The following CTNNA3 variants were observed in gnomAD, a reference collection of about 807,000 sequenced individuals.
The protein encoded by CTNNA3 is catenin alpha-3.
A neutral mutation model predicts 95.7 loss-of-function variants in CTNNA3; 76 were observed. That is an observed-to-expected ratio of 0.79 (90% confidence interval 0.66 to 0.96). CTNNA3 has a LOEUF of 0.96. Ranked by LOEUF, CTNNA3 falls within the 40% of genes least tolerant of loss-of-function variation. The pLI is 0.00. For synonymous variants in CTNNA3, 431 were observed against 374.4 expected (o/e 1.15, Z -1.74); for missense variants, 1,191 against 1,089.8 (o/e 1.09, Z -1.31).
At chr10:67,724,939 C>A (rs187567989) in intron 1 of CTNNA3, among the ~76,000 whole-genome samples, 52 of 152,126 alleles carry the variant, frequency 3.4e-4, no homozygotes, top group Non-Finnish European at 6.6e-4. Flanking sequence ...TATACCAAAA[C>A]CTTAAACCTT....
At chr10:66,090,956 T>C (rs954099943) in intron 14 of CTNNA3, among the ~76,000 whole-genome samples, 3 of 151,990 alleles carry the variant, frequency 2.0e-5, no homozygotes, top group African/African-American at 7.2e-5. Context: ...ACAAAGGTAA[T>C]TTTTAGAATA....
intron 1 of CTNNA3, among the ~76,000 whole-genome samples, chr10:67,705,232 G>C (rs1841070740): frequency 6.6e-6 from 1 of 152,050 alleles, no homozygotes; most frequent in South Asian, 2.1e-4. Context: ...ATTCCTCAGG[G>C]ATCTAGAACT....
intron 7 of CTNNA3, among the ~76,000 whole-genome samples, chr10:66,790,734 T>C (rs1046611114): frequency 3.3e-5 from 5 of 152,110 alleles, no homozygotes; most frequent in Admixed American, 6.6e-5. Flanking sequence ...GGATACAGTA[T>C]TGGTCATTCC....
chr10:66,545,865 G>T (rs1400429343), intron 10 of CTNNA3, among the ~76,000 whole-genome samples: 2 of 151,524 alleles, frequency 1.3e-5, no homozygotes, highest in Non-Finnish European at 2.9e-5. Flanking sequence ...CAAGTGGTTA[G>T]CTTCTGTCTT....
chr10:66,961,695 C>T (rs1314173824), intron 7 of CTNNA3, among the ~76,000 whole-genome samples: 1 of 152,098 alleles, frequency 6.6e-6, no homozygotes, highest in African/African-American at 2.4e-5. Context: ...ATTTGTATAT[C>T]CTATTATCTA....
At chr10:67,462,878 G>A (rs544096331) in intron 5 of CTNNA3, among the ~76,000 whole-genome samples, 11 of 151,370 alleles carry the variant, frequency 7.3e-5, no homozygotes, top group South Asian at 2.1e-4. Context: ...AATTTACATC[G>A]TAAGATTTCT....
intron 11 of CTNNA3, among the ~76,000 whole-genome samples, chr10:66,396,606 C>A (rs1377758379): frequency 6.6e-6 from 1 of 151,928 alleles, no homozygotes; most frequent in African/African-American, 2.4e-5. Flanking sequence ...AGCTTCCCAA[C>A]AATTCATTGG....
At position 67,095,509 on chromosome 10, in the gene CTNNA3, C is replaced by T. The variant is rs939021022; in HGVS notation, c.1047+84808G>A. Among the ~76,000 whole-genome samples, 3 of 151,744 alleles carry T rather than the reference C, an allele frequency of 2.0e-5. No individual in the cohort carries two copies. In the East Asian group the frequency reaches 5.8e-4, roughly 29 times the overall value. On this transcript the variant is annotated intron_variant, in intron 7 of 17. Transcript: ENST00000433211. ...ATAATGGTTCAAATTAGGACTTGCA[C>T]TCTGCATACCAGTCAGTAGCCTTGA... is the stretch of plus-strand genomic sequence containing the variant.
intron 11 of CTNNA3, among the ~76,000 whole-genome samples, chr10:66,435,857 C>T (rs1244878293): frequency 1.3e-5 from 2 of 152,090 alleles, no homozygotes; most frequent in Non-Finnish European, 2.9e-5. Context: ...TAGCTGTGTC[C>T]CAGAGATTCT....
intron 6 of CTNNA3, among the ~76,000 whole-genome samples, chr10:67,187,410 T>A (rs1862904777): frequency 1.3e-5 from 2 of 152,144 alleles, no homozygotes; most frequent in Admixed American, 1.3e-4. Flanking sequence ...CTGGGGAAAC[T>A]GAGATGAGAC....
At chr10:66,831,560 A>G (rs1842721078) in intron 7 of CTNNA3, among the ~76,000 whole-genome samples, 1 of 152,094 alleles carries the variant, frequency 6.6e-6, no homozygotes, top group Admixed American at 6.6e-5. Context: ...TGGCACTTCA[A>G]TTGTTTACTG....
At chr10:66,443,218 C>A (rs1036196693) in intron 11 of CTNNA3, among the ~76,000 whole-genome samples, 12 of 152,296 alleles carry the variant, frequency 7.9e-5, no homozygotes, top group African/African-American at 2.9e-4. Flanking sequence ...TCTGTAGGCT[C>A]CACCTCTGGG....
chr10:67,195,887 C>A (rs538496807), intron 6 of CTNNA3, among the ~76,000 whole-genome samples: 1 of 152,162 alleles, frequency 6.6e-6, no homozygotes, highest in African/African-American at 2.4e-5. Context: ...ATGGGATTGA[C>A]CTGATTTACA....
intron 13 of CTNNA3, among the ~76,000 whole-genome samples, chr10:66,171,970 T>G (rs1458025646): frequency 1.3e-5 from 2 of 152,186 alleles, no homozygotes; most frequent in Non-Finnish European, 2.9e-5. Context: ...ATATCTCATA[T>G]GAATTTCGCT....
chr10:66,106,781 A>G (rs2081931431), intron 13 of CTNNA3, among the ~76,000 whole-genome samples: 1 of 152,120 alleles, frequency 6.6e-6, no homozygotes, highest in African/African-American at 2.4e-5. Context: ...TTTATTCCAA[A>G]TTTAATAATT....
intron 13 of CTNNA3, among the ~76,000 whole-genome samples, chr10:66,176,670 G>A (rs1229783058): frequency 6.6e-6 from 1 of 151,962 alleles, no homozygotes; most frequent in Non-Finnish European, 1.5e-5. Flanking sequence ...TATAAAAGAG[G>A]CCCCAGAGAG....
chr10:67,163,163 T>C (rs1170203262), intron 7 of CTNNA3, among the ~76,000 whole-genome samples: 1 of 151,866 alleles, frequency 6.6e-6, no homozygotes, highest in Non-Finnish European at 1.5e-5. Flanking sequence ...AACAAAGATA[T>C]TATAAGAAAA....
chr10:67,588,530 TGG>T (rs11344227), intron 3 of CTNNA3, among the ~76,000 whole-genome samples: 1 of 150,322 alleles, frequency 6.7e-6, no homozygotes, highest in African/African-American at 2.4e-5. Context: ...ATTGAATTTA[TGG>T]GGGGGGGACT....
chr10:66,778,941 A>T (rs763350831), intron 7 of CTNNA3, among the ~76,000 whole-genome samples: 15 of 152,152 alleles, frequency 9.9e-5, no homozygotes, highest in Non-Finnish European at 2.2e-4. Context: ...GCGCCACTGC[A>T]CTCCAGCCTG....
Sources: allele counts gnomAD v4.1 joint callset (sites outside exome capture counted in the v4.1 genomes callset), GRCh38; gene constraint gnomAD v4.1.1; transcripts MANE v1.5; gene names NCBI Gene and HGNC (gene_info 2026-07-23, HGNC 2026-07-21).